SIDT1: variants seen among roughly 807,000 people sequenced by gnomAD.
SIDT1 encodes the protein SID1 transmembrane family, member 1.
SIDT1 carries 101 observed loss-of-function variants against 107.5 expected under a neutral mutation model. The ratio of observed to expected loss-of-function variants is 0.94; its 90% CI spans 0.80 to 1.11. The LOEUF (loss-of-function observed/expected upper bound fraction) is 1.11, where lower values mean the gene tolerates loss of function less well. Ranked by LOEUF, SIDT1 falls within the 50% of genes least tolerant of loss-of-function variation. The pLI, the probability that SIDT1 is intolerant of heterozygous loss-of-function variation, is 0.00. For missense variants in SIDT1, 1,076 were observed against 1,058.2 expected, an observed-to-expected ratio of 1.02 and a Z score of -0.23; for synonymous variants, 395 against 398.2, an observed-to-expected ratio of 0.99 and a Z score of 0.10.
chr3:113,533,679 T>A (rs2107541928), intron 1 of SIDT1, among the ~76,000 whole-genome samples: 1 of 152,250 alleles, frequency 6.6e-6, no homozygotes, highest in South Asian at 2.1e-4. Flanking sequence ...TCATAGCGCA[T>A]GGGGAGGGAG....
rs148691749 is a variant in SIDT1, at chr3:113,588,486, G to A, written c.1001+3216G>A. ...CGAATACCTATGGGGTTTGTAGTACGTGCTATGAGATCAGGATAAAAAACA... is the reference window on the plus strand; with the variant it reads ...CGAATACCTATGGGGTTTGTAGTACATGCTATGAGATCAGGATAAAAAACA... On this transcript the variant is annotated intron_variant, in intron 9 of 24. Coordinates refer to ENST00000264852, the MANE Select transcript of SIDT1 (RefSeq NM_017699.3). Among the ~76,000 whole-genome samples, 827 of 152,296 alleles carry A rather than the reference G, an allele frequency of 5.4e-3. 1 individual carries two copies. Among genetic ancestry groups the A allele is most frequent in the Middle Eastern group, 0.02 (6 of 294 alleles).
intron 1 of SIDT1, among the ~76,000 whole-genome samples, chr3:113,540,304 C>T (rs576545671): frequency 1.3e-5 from 2 of 152,274 alleles, no homozygotes; most frequent in South Asian, 4.1e-4. Flanking sequence ...CATTAGGTCC[C>T]CACCTTCAAC....
rs1252166650 is a variant in SIDT1 at position 113,562,121 on chromosome 3, TA to T, written c.223-4298del. ...TCCTAGAAGAGCCAGGCAGGTAAAC[TA>T]GCAGTTTAAATATCATGTGGTCCAC... On this transcript the variant is annotated intron_variant, in intron 1 of 24. Coordinates refer to ENST00000264852, the MANE Select transcript of SIDT1 (RefSeq NM_017699.3). Among the ~76,000 whole-genome samples, 6 of 152,198 alleles carry T rather than the reference TA, an allele frequency of 3.9e-5. No individual in the cohort carries two copies. In the East Asian group the frequency reaches 7.7e-4, roughly 20 times the overall value.
At chr3:113,624,891 A>G (rs1254510497) in intron 23 of SIDT1, among the ~76,000 whole-genome samples, 1 of 152,160 alleles carries the variant, frequency 6.6e-6, no homozygotes, top group Non-Finnish European at 1.5e-5. Flanking sequence ...ATGGCTGAAT[A>G]GTATTTTATT....
At chr3:113,611,556 CAT>C (rs1269846532) in intron 18 of SIDT1, among the ~76,000 whole-genome samples, 1 of 152,200 alleles carries the variant, frequency 6.6e-6, no homozygotes, top group African/African-American at 2.4e-5. Context: ...CTCCTGACCT[CAT>C]GATCTGCCCA....
intron 10 of SIDT1, among the ~76,000 whole-genome samples, chr3:113,595,509 G>A (rs1341202956): frequency 1.3e-5 from 2 of 151,884 alleles, no homozygotes; most frequent in African/African-American, 4.8e-5. Context: ...AGCCCAGGAT[G>A]TTGGGGCTGC....
chr3:113,572,044 AGTC>A (rs1340539593), intron 3 of SIDT1, among the ~76,000 whole-genome samples: 1 of 152,060 alleles, frequency 6.6e-6, no homozygotes, highest in Non-Finnish European at 1.5e-5. Context: ...CTGATGCAGT[AGTC>A]AAGATAAATA....
intron 4 of SIDT1, among the ~76,000 whole-genome samples, chr3:113,578,202 A>C (rs2107488700): frequency 6.6e-6 from 1 of 152,354 alleles, no homozygotes; most frequent in East Asian, 1.9e-4. Context: ...GCGATGGCTC[A>C]CGCCTATAAT....
intron 2 of SIDT1, 58 bp from the exon 3 acceptor site, chr3:113,567,482 T>G: frequency 7.0e-7 from 1 of 1,419,994 alleles, no homozygotes; most frequent in Admixed American, 2.1e-5. Flanking sequence ...TCCCTGCTCA[T>G]TCACTGAGTC....
At chr3:113,590,709 T>G (rs894216884) in intron 9 of SIDT1, among the ~76,000 whole-genome samples, 4 of 152,210 alleles carry the variant, frequency 2.6e-5, no homozygotes, top group African/African-American at 7.2e-5. Flanking sequence ...CAATTCCATT[T>G]ACAAAAGCAC....
At chr3:113,612,630 G>C (rs1248877376) in intron 19 of SIDT1, among the ~76,000 whole-genome samples, 1 of 152,188 alleles carries the variant, frequency 6.6e-6, no homozygotes. Context: ...TCAGATTCTA[G>C]GGCTGGAACT....
At chr3:113,565,851 A>C (rs7623311) in intron 1 of SIDT1, among the ~76,000 whole-genome samples, 22,992 of 152,216 alleles carry the variant, frequency 0.15, 1,827 homozygotes, top group Non-Finnish European at 0.19. Context: ...GATTTGAAAC[A>C]CAGAATGATT....
rs754280160 is a variant in SIDT1, at chr3:113,608,424, C to A, written c.1608C>A (p.Tyr536Ter). The change falls in exon 17 of 25, where the codon TAC becomes TAA. Residue 536 changes from tyrosine to a stop codon, truncating the protein, a stop_gained. Transcript: ENST00000264852. LOFTEE classifies it high-confidence loss of function. ...LEAKDIFAVE[Y>*]GIPKHFGLFY... Reference sequence around the variant, plus strand: ...CACCCTTTCTCCTTTTTCAGGAGTACGGGATTCCCAAACACTTTGGTCTCT... The same window carrying A: ...CACCCTTTCTCCTTTTTCAGGAGTAAGGGATTCCCAAACACTTTGGTCTCT... The A allele has an allele frequency of 6.2e-7, 1 of 1,609,222 alleles. No homozygotes were observed. Among genetic ancestry groups the A allele is most frequent in the African/African-American group, 1.3e-5 (1 of 74,796 alleles).
At chr3:113,539,006 C>A (rs1228346054) in intron 1 of SIDT1, among the ~76,000 whole-genome samples, 2 of 151,992 alleles carry the variant, frequency 1.3e-5, no homozygotes, top group South Asian at 2.1e-4. Context: ...TATTTTAATT[C>A]TCTTATTTAT....
chr3:113,631,737 A>G (rs908849623), downstream of SIDT1, among the ~76,000 whole-genome samples: 13 of 152,322 alleles, frequency 8.5e-5, no homozygotes, highest in African/African-American at 2.9e-4. Context: ...CTCTGTAGAA[A>G]GAGACCTGTC....
At chr3:113,566,350 G>A in intron 1 of SIDT1, 70 bp from the exon 2 acceptor site, 7 of 1,456,180 alleles carry the variant, frequency 4.8e-6, no homozygotes, top group South Asian at 1.2e-5. Flanking sequence ...GTGTGTGTGT[G>A]TGTGTGTGTG....
intron 21 of SIDT1, among the ~76,000 whole-genome samples, chr3:113,620,339 C>G (rs932244953): frequency 5.9e-5 from 9 of 151,988 alleles, no homozygotes; most frequent in Non-Finnish European, 1.2e-4. Context: ...AACAGTACAA[C>G]AGATGTGTAT....
chr3:113,564,904 T>G (rs1941763122), intron 1 of SIDT1, among the ~76,000 whole-genome samples: 1 of 152,210 alleles, frequency 6.6e-6, no homozygotes, highest in African/African-American at 2.4e-5. Context: ...TCCTATCAAA[T>G]TAGTAAGTTA....
In SIDT1 at chr3:113,612,104, G is replaced by A. The variant is rs199720714; in HGVS notation, c.1876G>A (p.Val626Ile). The part of the protein sequence containing the change: ...VLGVVFGKND[V>I]WFWVIFSAIH... ...CTCCTAGGTGTTTGGAAAAAATGAC[G>A]TATGGTTCTGGGTCATCTTCTCTGC... Residue 626 changes from valine to isoleucine, a missense_variant, in exon 19 of 25, where the codon GTA (valine) becomes ATA (isoleucine). Val to Ile is a conservative substitution (Grantham distance 29). Transcript: ENST00000264852. 23 of 1,613,772 alleles carry A rather than the reference G, an allele frequency of 1.4e-5. No homozygotes were observed. Among genetic ancestry groups the A allele is most frequent in the South Asian group, 3.3e-5 (3 of 91,058 alleles).
Sources: gnomAD v4.1 joint callset for allele counts (sites outside exome capture counted in the v4.1 genomes callset) on GRCh38, gnomAD v4.1.1 for gene constraint, MANE v1.5 for transcripts, NCBI Gene and HGNC (gene_info 2026-07-23, HGNC 2026-07-21) for gene names.